Variants in NME7 observed in about 807,000 individuals in gnomAD.
NME7 encodes nucleoside diphosphate kinase 7.
In NME7, 41 loss-of-function variants were observed where a neutral mutation model predicts 49.1. That is an observed-to-expected ratio of 0.83 (90% CI 0.65 to 1.08). The LOEUF (loss-of-function observed/expected upper bound fraction) is 1.08. NME7 is among the 50% of genes least tolerant of loss of function. The pLI, the probability that NME7 is intolerant of heterozygous loss-of-function variation, is 0.00. For synonymous variants in NME7, 139 were observed against 150.6 expected, an observed-to-expected ratio of 0.92 and a Z score of 0.56; for missense variants, 423 against 463.4, an observed-to-expected ratio of 0.91 and a Z score of 0.80.
intron 7 of NME7, among the ~76,000 whole-genome samples, chr1:169,265,117 G>A (rs1183991680): frequency 7.5e-6 from 1 of 132,696 alleles, no homozygotes; most frequent in Admixed American, 7.4e-5. Flanking sequence ...TCTCCTACCA[G>A]GTCCCTCCCA....
intron 10 of NME7, among the ~76,000 whole-genome samples, chr1:169,189,274 A>T (rs1660152505): frequency 6.6e-6 from 1 of 152,150 alleles, no homozygotes; most frequent in Non-Finnish European, 1.5e-5. Context: ...TTATAGTGTT[A>T]GGTAACTACA....
intron 4 of NME7, among the ~76,000 whole-genome samples, chr1:169,308,878 TA>T (rs1304397959): frequency 2.0e-5 from 3 of 152,098 alleles, no homozygotes; most frequent in African/African-American, 7.2e-5. Context: ...CCTATCTAGG[TA>T]AAAAATAAAT....
intron 10 of NME7, among the ~76,000 whole-genome samples, chr1:169,229,698 T>A (rs968022303): frequency 6.6e-6 from 1 of 152,170 alleles, no homozygotes; most frequent in African/African-American, 2.4e-5. Flanking sequence ...TAGCGGCTCA[T>A]GCCTGTAATC....
intron 7 of NME7, among the ~76,000 whole-genome samples, chr1:169,248,842 C>T (rs1397878678): frequency 6.6e-6 from 1 of 152,016 alleles, no homozygotes; most frequent in Non-Finnish European, 1.5e-5. Context: ...CTCTATGTGC[C>T]TACTTTTATA....
rs1334639728 is a variant in NME7 at position 169,355,006 on chromosome 1, GTTTAT to G, written c.3+12697_3+12701del. On this transcript the variant is annotated intron_variant, in intron 1 of 11. Coordinates refer to ENST00000367811, the MANE Select transcript of NME7 (RefSeq NM_013330.5). ...GTTTATATATAATATAATTATATAT[GTTTAT>G]ATATAATATAATTATATATTATATA... 5.8e-3 allele frequency among the ~76,000 whole-genome samples: 158 copies of G among 27,172 alleles called. 19 individuals carry two copies. The highest frequency in any genetic ancestry group is 0.011 in the African/African-American group (120 of 10,908). 17.8% of individuals were successfully genotyped at this position (27,172 alleles called of 152,430 possible). A position where few individuals can be genotyped will look rare whatever the true frequency, so the allele number is the denominator to read the frequency against.
At chr1:169,257,426 C>A (rs1240654013) in intron 7 of NME7, among the ~76,000 whole-genome samples, 1 of 133,984 alleles carries the variant, frequency 7.5e-6, no homozygotes, top group Non-Finnish European at 1.8e-5. Flanking sequence ...CTTCGGCTTG[C>A]GAACGGTACG....
rs544970593 is a variant in NME7 at position 169,315,140 on chromosome 1, A to C, written c.279-5060T>G. On this transcript the variant is annotated intron_variant, in intron 3 of 11. Coordinates refer to ENST00000367811, the MANE Select transcript of NME7 (RefSeq NM_013330.5). ...TGGCAATTGATAGAATAAGCTGCCCAAAAATTAGTAAATATGTGAAAGATT... is the reference window on the plus strand; with the variant it reads ...TGGCAATTGATAGAATAAGCTGCCCCAAAATTAGTAAATATGTGAAAGATT... Among the ~76,000 whole-genome samples the C allele has an allele frequency of 1.7e-4, 26 of 152,332 alleles. No homozygotes were observed. In the South Asian group the frequency reaches 4.4e-3, roughly 26 times the overall value.
chr1:169,253,371 A>G (rs1316961013), intron 7 of NME7, among the ~76,000 whole-genome samples: 4 of 150,520 alleles, frequency 2.7e-5, no homozygotes, highest in Non-Finnish European at 5.9e-5. Context: ...TTTGTCTGTT[A>G]TTGGTGTATA....
At position 169,282,573 on chromosome 1, in the gene NME7, C is replaced by A. The variant is rs1650067816; in HGVS notation, c.754+4730G>T. ...CAATTTTAGATCTTTCCTGCTTTCT[C>A]TTGTGGGCATTTAGAGCTATAATTT... On this transcript the variant is annotated intron_variant, in intron 7 of 11. Coordinates refer to ENST00000367811, the MANE Select transcript of NME7 (RefSeq NM_013330.5). Among the ~76,000 whole-genome samples the A allele has an allele frequency of 2.0e-5, 3 of 152,106 alleles. No individual in the cohort carries two copies. In the South Asian group the frequency reaches 6.2e-4, roughly 31 times the overall value.
chr1:169,134,554 C>T (rs1023978395), intron 11 of NME7, among the ~76,000 whole-genome samples: 1 of 152,096 alleles, frequency 6.6e-6, no homozygotes, highest in Non-Finnish European at 1.5e-5. Context: ...TTCATATTCT[C>T]GGAAGGAAAA....
chr1:169,199,560 C>T (rs1318671914), intron 10 of NME7, among the ~76,000 whole-genome samples: 1 of 150,972 alleles, frequency 6.6e-6, no homozygotes, highest in East Asian at 1.9e-4. Flanking sequence ...CTCAAGTGAT[C>T]CTCCCGCCTC....
intron 8 of NME7, 36 bp from the exon 9 acceptor site, chr1:169,235,235 C>A: frequency 8.6e-7 from 1 of 1,169,128 alleles, no homozygotes. Flanking sequence ...AAACCATAAA[C>A]CAACCAACAA....
chr1:169,337,551 T>TC (rs1420148502), intron 1 of NME7, among the ~76,000 whole-genome samples: 1 of 152,046 alleles, frequency 6.6e-6, no homozygotes, highest in Admixed American at 6.5e-5. Flanking sequence ...GCTGAAGGGC[T>TC]CCTCAAGTGC....
intron 11 of NME7, among the ~76,000 whole-genome samples, chr1:169,157,197 G>A (rs1226402132): frequency 1.3e-5 from 2 of 152,182 alleles, no homozygotes; most frequent in East Asian, 3.8e-4. Flanking sequence ...CACATAAAGA[G>A]AGAGAGGGTA....
rs1288740299 is a variant in NME7, at chr1:169,273,849, T to C, written c.754+13454A>G. On this transcript the variant is annotated intron_variant, in intron 7 of 11. Transcript: ENST00000367811. ...GTGTATATGTGCCACATTTTCTTAA[T>C]CCAGTCTATCATTGTTGGACATTTG... 1.6e-5 allele frequency among the ~76,000 whole-genome samples: 2 copies of C among 126,194 alleles called. 1 individual carries two copies. Among genetic ancestry groups the C allele is most frequent in the Admixed American group, 1.6e-4 (2 of 12,554 alleles). The allele number at this position is 126,194 out of a possible 152,430, so 82.8% of individuals were successfully genotyped here.
chr1:169,347,920 G>C (rs774541536), intron 1 of NME7, among the ~76,000 whole-genome samples: 1 of 152,120 alleles, frequency 6.6e-6, no homozygotes, highest in African/African-American at 2.4e-5. Flanking sequence ...ATTTTTTCCT[G>C]TATGTCATAT....
chr1:169,206,294 T>C (rs953663051), intron 10 of NME7, among the ~76,000 whole-genome samples: 3 of 152,162 alleles, frequency 2.0e-5, no homozygotes, highest in Non-Finnish European at 4.4e-5. Context: ...CCAGAAAATA[T>C]TTGATGAATT....
chr1:169,329,763 G>A (rs1652189751), intron 1 of NME7, among the ~76,000 whole-genome samples: 1 of 152,164 alleles, frequency 6.6e-6, no homozygotes, highest in Non-Finnish European at 1.5e-5. Flanking sequence ...GATAGGGGTA[G>A]AAAGTTTATT....
intron 4 of NME7, among the ~76,000 whole-genome samples, chr1:169,304,758 A>C (rs984275323): frequency 1.3e-5 from 2 of 152,206 alleles, no homozygotes; most frequent in Admixed American, 6.5e-5. Flanking sequence ...GAAGATTTGA[A>C]CCCAAAGCTC....
Sources: allele counts gnomAD v4.1 joint callset (sites outside exome capture counted in the v4.1 genomes callset), GRCh38; gene constraint gnomAD v4.1.1; transcripts MANE v1.5; gene names NCBI Gene and HGNC (gene_info 2026-07-23, HGNC 2026-07-21).